DPP6: variants seen among roughly 807,000 people sequenced by gnomAD.
DPP6 encodes the protein dipeptidyl peptidase like 6, also known as A-type potassium channel modulatory protein DPP6.
In DPP6, 69 loss-of-function variants were observed where a neutral mutation model predicts 122.6. The observed-to-expected ratio is 0.56, with a 90% CI of 0.46 to 0.69. DPP6 has a LOEUF of 0.69. Among genes scored for constraint, DPP6 ranks in the 30% least tolerant of loss-of-function variants. The pLI is 0.00. For synonymous variants in DPP6, 418 were observed against 433.1 expected (o/e 0.97, Z 0.43); for missense variants, 928 against 1,116.9 (o/e 0.83, Z 2.41).
At chr7:154,584,227 C>T (rs1832278366) in intron 5 of DPP6, among the ~76,000 whole-genome samples, 1 of 152,186 alleles carries the variant, frequency 6.6e-6, no homozygotes, top group African/African-American at 2.4e-5. Context: ...TGCTCCTTCC[C>T]TCTCACCTCT....
chr7:153,860,022 A>T, the DPP6 span, among the ~76,000 whole-genome samples: 40,545 of 152,104 alleles, frequency 0.27, 6,314 homozygotes, highest in Admixed American at 0.35. Flanking sequence ...GGTTCGCTTA[A>T]CTAATGTGTA....
intron 1 of DPP6, among the ~76,000 whole-genome samples, chr7:154,324,272 C>T (rs548001334): frequency 2.6e-5 from 4 of 152,200 alleles, no homozygotes; most frequent in South Asian, 2.1e-4. Flanking sequence ...CTTTCTGCTC[C>T]GGTACCCTTT....
At position 154,275,557 on chromosome 7, in the gene DPP6, AG is replaced by A. The variant is rs569866708; in HGVS notation, c.244-170655del. On this transcript the variant is annotated intron_variant, in intron 1 of 25. Coordinates refer to ENST00000377770, the MANE Select transcript of DPP6 (RefSeq NM_130797.4). ...GAAGACAAAAAGCAAACTATGTTGC[AG>A]GTTTTCCAAATGATTTCAGACCAGA... Among the ~76,000 whole-genome samples the A allele has an allele frequency of 3.3e-4, 50 of 152,344 alleles. 2 individuals are homozygous for A. In the South Asian group the frequency reaches 0.01, roughly 31 times the overall value.
At chr7:154,406,495 A>G (rs1816122927) in intron 1 of DPP6, among the ~76,000 whole-genome samples, 1 of 151,856 alleles carries the variant, frequency 6.6e-6, no homozygotes. Flanking sequence ...ACACACATGC[A>G]CACATACATG....
intron 7 of DPP6, among the ~76,000 whole-genome samples, chr7:154,727,302 A>C (rs1265525653): frequency 6.6e-6 from 1 of 152,188 alleles, no homozygotes; most frequent in Non-Finnish European, 1.5e-5. Flanking sequence ...GGAGGAAGAG[A>C]GCACAGGGGG....
At chr7:154,338,910 C>T (rs1809668582) in intron 1 of DPP6, among the ~76,000 whole-genome samples, 1 of 152,196 alleles carries the variant, frequency 6.6e-6, no homozygotes, top group Non-Finnish European at 1.5e-5. Context: ...TTCATCTGCG[C>T]GTTCATCCGT....
chr7:154,584,306 A>G (rs1469356488), intron 5 of DPP6, among the ~76,000 whole-genome samples: 1 of 152,046 alleles, frequency 6.6e-6, no homozygotes, highest in Non-Finnish European at 1.5e-5. Flanking sequence ...CAGTTCTCCC[A>G]CGCCCTTCCA....
chr7:154,495,836 C>CTG (rs1162700971), intron 3 of DPP6, among the ~76,000 whole-genome samples: 4 of 152,186 alleles, frequency 2.6e-5, no homozygotes, highest in Non-Finnish European at 5.9e-5. Context: ...ACACCAACAG[C>CTG]TGTGTGTGTA....
At chr7:154,064,739 G>A (rs1222180377) in intron 1 of DPP6, among the ~76,000 whole-genome samples, 1 of 152,140 alleles carries the variant, frequency 6.6e-6, no homozygotes, top group South Asian at 2.1e-4. Context: ...CCTAACGAGA[G>A]AGGAAGACAG....
chr7:154,860,549 A>AGAT, intron 17 of DPP6, among the ~76,000 whole-genome samples: 1 of 152,226 alleles, frequency 6.6e-6, no homozygotes, highest in East Asian at 1.9e-4. Flanking sequence ...CTGCAGGGAG[A>AGAT]GATGCACCTG....
chr7:154,042,099 A>G (rs928300847), intron 1 of DPP6, among the ~76,000 whole-genome samples: 13 of 152,220 alleles, frequency 8.5e-5, no homozygotes, highest in African/African-American at 2.9e-4. Context: ...TTTGAGCATC[A>G]AATCCTCACA....
chr7:154,709,707 C>T (rs1046293034), intron 7 of DPP6, among the ~76,000 whole-genome samples: 9 of 151,680 alleles, frequency 5.9e-5, no homozygotes, highest in African/African-American at 9.7e-5. Context: ...CTCAAGCCAG[C>T]GGTTCACTTT....
intron 19 of DPP6, among the ~76,000 whole-genome samples, chr7:154,874,738 G>T (rs1253590165): frequency 1.3e-5 from 2 of 152,200 alleles, no homozygotes; most frequent in Non-Finnish European, 2.9e-5. Context: ...ACTGCTCCCT[G>T]CTGTTCCAGG....
intron 1 of DPP6, among the ~76,000 whole-genome samples, chr7:154,427,481 C>A (rs1442509804): frequency 6.6e-6 from 1 of 152,206 alleles, no homozygotes. Context: ...TAACCTTCAA[C>A]TGTCAGAAGA....
At chr7:154,836,712 T>G (rs1467862928) in intron 16 of DPP6, among the ~76,000 whole-genome samples, 1 of 152,170 alleles carries the variant, frequency 6.6e-6, no homozygotes, top group African/African-American at 2.4e-5. Flanking sequence ...TGATTTTGAT[T>G]TCACCTCTTT....
chr7:154,249,797 A>G (rs1802233028), intron 1 of DPP6, among the ~76,000 whole-genome samples: 1 of 152,134 alleles, frequency 6.6e-6, no homozygotes, highest in African/African-American at 2.4e-5. Context: ...GGCTGCTAGA[A>G]TTTTGTCTCA....
Position 154,311,987 on chromosome 7 carries a change from G to T in DPP6, c.244-134227G>T, listed in dbSNP as rs550653672. Reference sequence around the variant, plus strand: ...GATAAAACCCAATGCAATTATTAATGGTGGAAATTTCAGGCACAAAGTTGT... The same window carrying T: ...GATAAAACCCAATGCAATTATTAATTGTGGAAATTTCAGGCACAAAGTTGT... On this transcript the variant is annotated intron_variant, in intron 1 of 25. Coordinates refer to ENST00000377770, the MANE Select transcript of DPP6 (RefSeq NM_130797.4). Among the ~76,000 whole-genome samples, 65 of 152,292 alleles carry T rather than the reference G, an allele frequency of 4.3e-4. 1 individual carries two copies. The highest frequency in any genetic ancestry group is 1.5e-3 in the African/African-American group (63 of 41,564).
the DPP6 span, among the ~76,000 whole-genome samples, chr7:153,855,257 A>G: frequency 6.9e-6 from 1 of 145,948 alleles, no homozygotes; most frequent in African/African-American, 2.6e-5. Flanking sequence ...AGAAATAATA[A>G]AAATAATACC....
chr7:154,664,118 G>A lies in DPP6; in HGVS notation c.681-5242G>A, dbSNP rs1412789717. Among the ~76,000 whole-genome samples, 2 of 143,920 alleles carry A rather than the reference G, an allele frequency of 1.4e-5. 1 individual carries two copies. The highest frequency in any genetic ancestry group is 3.1e-5 in the Non-Finnish European group (2 of 64,388). 94.4% of individuals were successfully genotyped at this position (143,920 alleles called of 152,430 possible). On this transcript the variant is annotated intron_variant, in intron 6 of 25. Coordinates refer to ENST00000377770, the MANE Select transcript of DPP6 (RefSeq NM_130797.4). ...CGGCCGTAGTGTTCATATAGTCATG[G>A]TGAATCACCATGGCGTATTGGCCGT...
Sources: allele counts gnomAD v4.1 joint callset (sites outside exome capture counted in the v4.1 genomes callset), GRCh38; gene constraint gnomAD v4.1.1; transcripts MANE v1.5; gene names NCBI Gene and HGNC (gene_info 2026-07-23, HGNC 2026-07-21).